Variants in NPRL3 observed in about 807,000 individuals in gnomAD.
NPRL3 encodes NPR3 like, GATOR1 complex subunit.
In NPRL3, 23 loss-of-function variants were observed where a neutral mutation model predicts 57.2. The observed-to-expected ratio is 0.40, with a 90% CI of 0.29 to 0.57. NPRL3 has a LOEUF of 0.57. Among genes scored for constraint, NPRL3 ranks in the 20% least tolerant of loss-of-function variants. The pLI, the probability that NPRL3 is intolerant of heterozygous loss-of-function variation, is 0.42. For synonymous variants in NPRL3, 333 were observed against 321.1 expected, an observed-to-expected ratio of 1.04 and a Z score of -0.39; for missense variants, 691 against 767.1, an observed-to-expected ratio of 0.90 and a Z score of 1.17.
intron 9 of NPRL3, among the ~76,000 whole-genome samples, chr16:97,407 G>A (rs1157313130): frequency 8.6e-6 from 1 of 115,754 alleles, no homozygotes; most frequent in Non-Finnish European, 1.8e-5. Context: ...ACCACACCCA[G>A]CTATTTTTTT....
At chr16:105,812 C>A (rs920333173) in intron 7 of NPRL3, among the ~76,000 whole-genome samples, 1 of 152,148 alleles carries the variant, frequency 6.6e-6, no homozygotes, top group Non-Finnish European at 1.5e-5. Context: ...CTGGGAGACA[C>A]AATTCAATGG....
rs780258721 is a variant in NPRL3, at chr16:110,612, A to G, written c.548-6T>C. ...GGACTGAGGACCTTCATTTCCTACA[A>G]GAATCACAACACAAGATTTACAGCT... On this transcript the variant is annotated splice_region_variant and splice_polypyrimidine_tract_variant and intron_variant, in intron 6 of 13. Coordinates refer to ENST00000611875, the MANE Select transcript of NPRL3 (RefSeq NM_001077350.3). 2 of 1,604,148 alleles carry G rather than the reference A, an allele frequency of 1.2e-6. No homozygotes were observed.
intron 9 of NPRL3, among the ~76,000 whole-genome samples, chr16:97,735 G>C (rs1487168627): frequency 7.0e-6 from 1 of 142,354 alleles, no homozygotes; most frequent in Admixed American, 6.6e-5. Context: ...TCTGCACATG[G>C]GAGGGCCCCG....
Position 130,557 on chromosome 16 carries a change from C to T in NPRL3, c.153G>A (p.Thr51=), listed in dbSNP as rs771331057. 14 of 1,555,048 alleles carry T rather than the reference C, an allele frequency of 9.0e-6. No individual in the cohort carries two copies. Among genetic ancestry groups the T allele is most frequent in the Non-Finnish European group, 1.1e-5 (13 of 1,149,066 alleles). The part of the protein sequence containing the change: ...KPRSRYAASN[T]GDHADEQDGD... The stretch of plus-strand genomic sequence containing the variant: ...CGTCCTGCTCATCAGCATGGTCGCC[C>T]GTGTTGCTGGCAGCGTATCTGCTAC... Residue 51 remains threonine (T), a synonymous_variant, in exon 3 of 14, where the codon ACG becomes ACA. Transcript: ENST00000611875.
chr16:98,345 CCCTGCACCGGGTATGCACCAGGT>C (rs772815324), intron 8 of NPRL3, 44 bp from the exon 9 acceptor site: 100 of 1,599,982 alleles, frequency 6.3e-5, no homozygotes, highest in Middle Eastern at 1.7e-4. Context: ...AGTGCAGGAA[CCCTGCACCGGGTATGCACCAGGT>C]CCTGCACCAG....
rs757635247 is a variant in NPRL3 at position 112,761 on chromosome 16, C to T, written c.408G>A (p.Pro136=). The change falls in exon 6 of 14, where the codon CCG becomes CCA. Residue 136 remains proline (P), a synonymous_variant. Transcript: ENST00000611875. ...VVFALRANAD[P]SVINCLHNLS... is the part of the protein sequence containing the mutation. ...GGTTATGCAGACAGTTTATCACTGACGGGTCTGCGTTGGCCTGCAGGAGAG... is the reference window on the plus strand; with the variant it reads ...GGTTATGCAGACAGTTTATCACTGATGGGTCTGCGTTGGCCTGCAGGAGAG... 58 of 1,603,956 alleles carry T rather than the reference C, an allele frequency of 3.6e-5. No homozygotes were observed. The East Asian group carries it at 1.0e-3, about 28-fold the overall frequency.
rs371778637 is a variant in NPRL3 at position 129,063 on chromosome 16, G to A, written c.188+1459C>T. On this transcript the variant is annotated intron_variant, in intron 3 of 13. Coordinates refer to ENST00000611875, the MANE Select transcript of NPRL3 (RefSeq NM_001077350.3). ...TCCCACAGTTTTACCTCTTCATTACGTTAAATATTAAATTAATTCCCTAGA... is the reference window on the plus strand; with the variant it reads ...TCCCACAGTTTTACCTCTTCATTACATTAAATATTAAATTAATTCCCTAGA... Among the ~76,000 whole-genome samples, 32 of 152,296 alleles carry A rather than the reference G, an allele frequency of 2.1e-4. No homozygotes were observed. The East Asian group carries it at 2.7e-3, about 13-fold the overall frequency.
chr16:86,612 G>T lies in NPRL3; in HGVS notation c.*93C>A. 1 of 1,324,468 alleles carries T rather than the reference G, an allele frequency of 7.6e-7. No homozygotes were observed. Among genetic ancestry groups the T allele is most frequent in the Non-Finnish European group, 1.0e-6 (1 of 978,730 alleles). 82.0% of individuals were successfully genotyped at this position (1,324,468 alleles called of 1,614,324 possible). On this transcript the variant is annotated 3_prime_UTR_variant, in exon 14 of 14. Transcript: ENST00000611875. ...ACCCAATGCCAGGCCTCAGGGCCAA[G>T]AGGGCTCAGCCTCAGCACGGGGGGA...
intron 9 of NPRL3, among the ~76,000 whole-genome samples, chr16:96,901 G>C (rs1043308050): frequency 6.6e-6 from 1 of 152,208 alleles, no homozygotes; most frequent in Admixed American, 6.5e-5. Flanking sequence ...ATCCAAAAAG[G>C]CTGCTTTCGG....
chr16:86,670 G>T lies in NPRL3; in HGVS notation c.*35C>A. On this transcript the variant is annotated 3_prime_UTR_variant, in exon 14 of 14. Coordinates refer to ENST00000611875, the MANE Select transcript of NPRL3 (RefSeq NM_001077350.3). Reference sequence around the variant, plus strand: ...GGTGGGGAGACGCGAGCGCCCACCTGCGCACCCCAGCAGCCTTCCGCCCTC... The same window carrying T: ...GGTGGGGAGACGCGAGCGCCCACCTTCGCACCCCAGCAGCCTTCCGCCCTC... The T allele has an allele frequency of 6.5e-7, 1 of 1,527,320 alleles. No individual in the cohort carries two copies. Among genetic ancestry groups the T allele is most frequent in the Non-Finnish European group, 8.8e-7 (1 of 1,134,004 alleles). The allele number at this position is 1,527,320 out of a possible 1,614,324, so 94.6% of individuals were successfully genotyped here. A position where few individuals can be genotyped will look rare whatever the true frequency, so the allele number is the denominator to read the frequency against.
chr16:85,515 G>T lies in NPRL3; in HGVS notation c.*1190C>A. The T allele has an allele frequency of 6.2e-7, 1 of 1,613,374 alleles. No homozygotes were observed. Among genetic ancestry groups the T allele is most frequent in the Non-Finnish European group, 8.5e-7 (1 of 1,180,046 alleles). ...ACCGCCAGCCGTGTCCTCAAGGACCGCGAGCTCTGCAGTGGCCCCTCCAAG... is the reference window on the plus strand; with the variant it reads ...ACCGCCAGCCGTGTCCTCAAGGACCTCGAGCTCTGCAGTGGCCCCTCCAAG... On this transcript the variant is annotated 3_prime_UTR_variant, in exon 14 of 14. Coordinates refer to ENST00000611875, the MANE Select transcript of NPRL3 (RefSeq NM_001077350.3).
intron 8 of NPRL3, among the ~76,000 whole-genome samples, chr16:99,642 A>G (rs1363718098): frequency 6.6e-6 from 1 of 151,714 alleles, no homozygotes; most frequent in African/African-American, 2.4e-5. Context: ...TCTCAAAAAA[A>G]AAAAAAAAAA....
chr16:131,336 G>A (rs559773221), intron 2 of NPRL3, among the ~76,000 whole-genome samples: 2 of 151,436 alleles, frequency 1.3e-5, no homozygotes, highest in African/African-American at 2.4e-5. Flanking sequence ...AAAATTAGCC[G>A]GGCGTGGTGG....
At position 110,623 on chromosome 16, in the gene NPRL3, AC is replaced by A. The variant is rs1315710083; in HGVS notation, c.548-18del. The A allele has an allele frequency of 6.3e-7, 1 of 1,591,390 alleles. No individual in the cohort carries two copies. The highest frequency in any genetic ancestry group is 1.3e-5 in the African/African-American group (1 of 74,482). On this transcript the variant is annotated intron_variant, in intron 6 of 13. Coordinates refer to ENST00000611875, the MANE Select transcript of NPRL3 (RefSeq NM_001077350.3). ...CTTCATTTCCTACAAGAATCACAAC[AC>A]AAGATTTACAGCTCCCGGGTTCAAG... is the stretch of plus-strand genomic sequence containing the variant.
In NPRL3 at chr16:113,955, G is replaced by A. The variant is rs531321035; in HGVS notation, c.394-1180C>T. On this transcript the variant is annotated intron_variant, in intron 5 of 13. Transcript: ENST00000611875. ...GAGAAAGGACTGTTGCTCCCATGCT[G>A]TGCCCACCACTGGGCAGCAGACCTG... 3.3e-5 allele frequency among the ~76,000 whole-genome samples: 5 copies of A among 152,304 alleles called. No homozygotes were observed. The East Asian group carries it at 5.8e-4, about 18-fold the overall frequency.
At chr16:107,268 C>G (rs1899573572) in intron 7 of NPRL3, among the ~76,000 whole-genome samples, 1 of 152,204 alleles carries the variant, frequency 6.6e-6, no homozygotes, top group Admixed American at 6.5e-5. Context: ...GATCACACAA[C>G]AGGCAGTCCA....
rs1898622595 is a variant in NPRL3, at chr16:88,819, C to G, written c.1423G>C (p.Asp475His). The part of the protein sequence containing the change: ...NSSAELLPSG[D>H]SPLNQRMTEN... ...GTCATCCTCTGGTTCAGTGGCGAGT[C>G]CCCGCTGGGAAGTAGCTCTGCGCTG... The change falls in exon 13 of 14, where the codon GAC becomes CAC. Residue 475 changes from aspartate (D) to histidine (H), a missense_variant. Physicochemically the swap from Asp to His is moderately conservative, Grantham distance 81. Transcript: ENST00000611875. The G allele has an allele frequency of 1.2e-6, 2 of 1,613,808 alleles. No homozygotes were observed. The highest frequency in any genetic ancestry group is 1.7e-6 in the Non-Finnish European group (2 of 1,179,842).
At chr16:103,109 T>A (rs1899368803) in intron 7 of NPRL3, among the ~76,000 whole-genome samples, 1 of 151,734 alleles carries the variant, frequency 6.6e-6, no homozygotes, top group Non-Finnish European at 1.5e-5. Context: ...ACCATCTGGG[T>A]CAGAAAGGAG....
intron 3 of NPRL3, among the ~76,000 whole-genome samples, chr16:129,221 G>A (rs1216510431): frequency 6.6e-6 from 1 of 152,188 alleles, no homozygotes; most frequent in Non-Finnish European, 1.5e-5. Flanking sequence ...CTAATGTGGG[G>A]GGTGGCCAGC....
Sources: gnomAD v4.1 joint callset for allele counts (sites outside exome capture counted in the v4.1 genomes callset) on GRCh38, gnomAD v4.1.1 for gene constraint, MANE v1.5 for transcripts, NCBI Gene and HGNC (gene_info 2026-07-23, HGNC 2026-07-21) for gene names.